SYTL3: variants seen among roughly 807,000 people sequenced by gnomAD.
SYTL3 encodes the protein synaptotagmin like 3.
A neutral mutation model predicts 82.1 loss-of-function variants in SYTL3; 88 were observed. The observed-to-expected ratio is 1.07, with a 90% CI of 0.90 to 1.28. The LOEUF (loss-of-function observed/expected upper bound fraction) is 1.28, where lower values mean the gene tolerates loss of function less well. Among genes scored for constraint, SYTL3 ranks in the 50% most tolerant of loss-of-function variants. SYTL3 has a pLI of 0.00. For missense variants in SYTL3, 831 were observed against 757.6 expected (o/e 1.10, Z -1.14); for synonymous variants, 311 against 289.4 (o/e 1.07, Z -0.76).
chr6:158,691,647 T>G (rs1038165392), intron 6 of SYTL3, among the ~76,000 whole-genome samples: 2 of 150,850 alleles, frequency 1.3e-5, no homozygotes, highest in East Asian at 3.9e-4. Flanking sequence ...AATATTAATA[T>G]TAAACTTTTT....
rs781779174 is a variant in SYTL3, at chr6:158,663,280, A to C, written c.12A>C (p.Glu4Asp). The C allele has an allele frequency of 6.2e-7, 1 of 1,614,158 alleles. No individual in the cohort carries two copies. The highest frequency in any genetic ancestry group is 1.7e-5 in the Admixed American group (1 of 60,032). ...AAAACGGAGAAGAAATGGCCCAAGA[A>C]ATAGATCTGAGTGCTCTCAAGGAGT... MAQ[E>D]IDLSALKELE... The change falls in exon 4 of 18, where the codon GAA (glutamate) becomes GAC (aspartate). Residue 4 changes from glutamate to aspartate, a missense_variant. By Grantham distance (45) the Glu-to-Asp change is conservative. Transcript: ENST00000611299.
chr6:158,671,722 C>T (rs1220330978), intron 5 of SYTL3, among the ~76,000 whole-genome samples: 7 of 137,884 alleles, frequency 5.1e-5, no homozygotes, highest in Non-Finnish European at 9.1e-5. Flanking sequence ...GAGCTGACAG[C>T]GAGACTCAGT....
chr6:158,721,743 A>G (rs1231444744), intron 10 of SYTL3, among the ~76,000 whole-genome samples: 3 of 151,848 alleles, frequency 2.0e-5, no homozygotes, highest in Non-Finnish European at 1.5e-5. Context: ...AGTGATTCTC[A>G]TGCCTCAGCC....
Position 158,685,245 on chromosome 6 carries a change from G to A in SYTL3, c.394+2256G>A, listed in dbSNP as rs953588601. Among the ~76,000 whole-genome samples the A allele has an allele frequency of 3.6e-4, 49 of 137,226 alleles. 1 individual carries two copies. The highest frequency in any genetic ancestry group is 5.6e-4 in the Non-Finnish European group (37 of 65,620). 90.0% of individuals were successfully genotyped at this position (137,226 alleles called of 152,430 possible). A position where few individuals can be genotyped will look rare whatever the true frequency, so the allele number is the denominator to read the frequency against. On this transcript the variant is annotated intron_variant, in intron 6 of 17. Coordinates refer to ENST00000611299, the MANE Select transcript of SYTL3 (RefSeq NM_001242394.2). ...TTTTTTTTTTTTTAGATGGAGTCTC[G>A]TTCTGTCATCCAGGCTGGAGTGCAG...
At chr6:158,692,406 C>G (rs778919330) in intron 6 of SYTL3, among the ~76,000 whole-genome samples, 30 of 150,454 alleles carry the variant, frequency 2.0e-4, no homozygotes, top group Non-Finnish European at 3.4e-4. Context: ...TCTGATAATG[C>G]TCTCAATGAT....
intron 6 of SYTL3, among the ~76,000 whole-genome samples, chr6:158,696,389 G>C (rs1780563655): frequency 6.7e-6 from 1 of 148,972 alleles, no homozygotes; most frequent in Admixed American, 6.8e-5. Flanking sequence ...TATTTTAGTA[G>C]AGATGGGGTT....
At chr6:158,752,738 G>T (rs1397054248) in intron 13 of SYTL3, among the ~76,000 whole-genome samples, 2 of 152,216 alleles carry the variant, frequency 1.3e-5, no homozygotes, top group Admixed American at 6.5e-5. Flanking sequence ...GCAGCCAGAG[G>T]TCCCCTCGTC....
intron 2 of SYTL3, among the ~76,000 whole-genome samples, chr6:158,654,001 G>A (rs1191406930): frequency 2.0e-5 from 3 of 152,104 alleles, no homozygotes; most frequent in Non-Finnish European, 4.4e-5. Context: ...TACTTTTCTT[G>A]TACTTTTCCC....
chr6:158,700,452 T>C (rs533406617), intron 6 of SYTL3, among the ~76,000 whole-genome samples: 8 of 151,894 alleles, frequency 5.3e-5, no homozygotes, highest in Non-Finnish European at 1.0e-4. Flanking sequence ...TACCTGTGTG[T>C]ATTGCACTTA....
chr6:158,713,340 G>A (rs1325729466), intron 8 of SYTL3, among the ~76,000 whole-genome samples: 1 of 152,094 alleles, frequency 6.6e-6, no homozygotes, highest in Non-Finnish European at 1.5e-5. Flanking sequence ...GAGCCCCTCA[G>A]CTCTTGCCTG....
At chr6:158,751,829 A>T in intron 12 of SYTL3, 99 bp from the exon 13 acceptor site, 1 of 876,764 alleles carries the variant, frequency 1.1e-6, no homozygotes, top group Non-Finnish European at 1.7e-6. Context: ...GAAGCCTGGT[A>T]AAGAAAACGC....
chr6:158,745,454 A>G (rs6914168), intron 11 of SYTL3, 26 bp from the exon 12 acceptor site: 423,703 of 1,585,002 alleles, frequency 0.27, 59,628 homozygotes, highest in African/African-American at 0.43. Context: ...GAAGTAACTT[A>G]TTATATCTGT....
chr6:158,721,423 C>A (rs1784096648), intron 10 of SYTL3, among the ~76,000 whole-genome samples: 1 of 151,982 alleles, frequency 6.6e-6, no homozygotes, highest in African/African-American at 2.4e-5. Context: ...GTTGCCCAGG[C>A]TGGTCTCAAA....
At chr6:158,706,175 G>C (rs143906892) in intron 6 of SYTL3, among the ~76,000 whole-genome samples, 3 of 152,262 alleles carry the variant, frequency 2.0e-5, no homozygotes, top group African/African-American at 7.2e-5. Flanking sequence ...ATGTCCCCCA[G>C]ATGAACCCCA....
intron 12 of SYTL3, among the ~76,000 whole-genome samples, chr6:158,746,647 G>A (rs1395107043): frequency 6.6e-6 from 1 of 151,620 alleles, no homozygotes; most frequent in African/African-American, 2.4e-5. Context: ...TGTATTTTTA[G>A]TAGAGACGGG....
chr6:158,708,369 A>G lies in SYTL3; in HGVS notation c.494A>G (p.Gln165Arg). The G allele has an allele frequency of 6.2e-7, 1 of 1,614,170 alleles. No homozygotes were observed. ...PPTPPPVSES[Q>R]CSRSPGRLQE... Reference sequence around the variant, plus strand: ...ACTCCACCTCCTGTCAGCGAGAGCCAGTGCAGCCGCAGTCCTGGCAGGGTA... The same window carrying G: ...ACTCCACCTCCTGTCAGCGAGAGCCGGTGCAGCCGCAGTCCTGGCAGGGTA... Residue 165 changes from glutamine to arginine, a missense_variant, in exon 8 of 18, where the codon CAG becomes CGG. Gln to Arg is a conservative substitution (Grantham distance 43, BLOSUM62 1). Transcript: ENST00000611299.
At chr6:158,651,732 G>T (rs1043074076) in intron 1 of SYTL3, 21 bp from the exon 2 acceptor site, 1 of 151,556 alleles carries the variant, frequency 6.6e-6, no homozygotes, top group Non-Finnish European at 1.5e-5. Context: ...AATATTTTTT[G>T]TTGTTTTTGG....
chr6:158,646,446 A>G (rs1347223819), upstream of SYTL3, among the ~76,000 whole-genome samples: 1 of 152,212 alleles, frequency 6.6e-6, no homozygotes, highest in East Asian at 1.9e-4. Context: ...CTGGGATTAT[A>G]GCTGTGAGCC....
Position 158,763,371 on chromosome 6 carries a change from C to G in SYTL3, c.1585C>G (p.Pro529Ala). The G allele has an allele frequency of 6.2e-7, 1 of 1,614,208 alleles. No individual in the cohort carries two copies. The highest frequency in any genetic ancestry group is 8.5e-7 in the Non-Finnish European group (1 of 1,180,048). The change falls in exon 17 of 18, where the codon CCC becomes GCC. Residue 529 changes from proline to alanine, a missense_variant. Pro to Ala is a conservative substitution (Grantham distance 27). Transcript: ENST00000611299. ...KSPVLRKQAC[P>A]QWKHSFVFSG... ...GCCAGTCCTGAGGAAGCAGGCTTGC[C>G]CCCAGTGGAAACACTCATTTGTCTT...
Sources: allele counts gnomAD v4.1 joint callset (sites outside exome capture counted in the v4.1 genomes callset), GRCh38; gene constraint gnomAD v4.1.1; transcripts MANE v1.5; gene names NCBI Gene and HGNC (gene_info 2026-07-23, HGNC 2026-07-21).